DCLK1: variants seen among roughly 807,000 people sequenced by gnomAD.
DCLK1 encodes the protein serine/threonine-protein kinase DCLK1.
In DCLK1, 16 loss-of-function variants were observed where a neutral mutation model predicts 86.2. The ratio of observed to expected loss-of-function variants is 0.19; its 90% CI spans 0.13 to 0.28. The LOEUF is 0.28. DCLK1 is among the 10% of genes least tolerant of loss of function. The probability of loss-of-function intolerance (pLI) is 1.00; values close to 1 mark genes in which losing one functional copy is unlikely to be tolerated. For missense variants in DCLK1, 590 were observed against 940.2 expected (o/e 0.63, Z 4.87); for synonymous variants, 369 against 370.5 (o/e 1.00, Z 0.05).
chr13:36,059,662 T>C (rs1883464654), intron 3 of DCLK1, among the ~76,000 whole-genome samples: 1 of 152,120 alleles, frequency 6.6e-6, no homozygotes, highest in Admixed American at 6.6e-5. Flanking sequence ...TCTGACTGGT[T>C]TTCCAGTGTA....
intron 4 of DCLK1, among the ~76,000 whole-genome samples, chr13:35,910,466 G>A (rs1238459090): frequency 6.6e-6 from 1 of 152,222 alleles, no homozygotes; most frequent in Non-Finnish European, 1.5e-5. Context: ...GAAATGAGAG[G>A]ACAGCTCCAA....
intron 3 of DCLK1, among the ~76,000 whole-genome samples, chr13:35,981,236 T>G (rs1172786202): frequency 1.3e-5 from 2 of 152,180 alleles, no homozygotes; most frequent in African/African-American, 2.4e-5. Flanking sequence ...TGTTTTTTTT[T>G]TGTGACAGGC....
At chr13:35,846,065 C>T (rs932226092) in intron 6 of DCLK1, 1 of 985,416 alleles carries the variant, frequency 1.0e-6, no homozygotes, top group Non-Finnish European at 1.2e-6. Context: ...TTCAATGAAA[C>T]ATTTTGTCAA....
chr13:35,975,073 A>C (rs1879267138), intron 3 of DCLK1, among the ~76,000 whole-genome samples: 1 of 152,312 alleles, frequency 6.6e-6, no homozygotes, highest in South Asian at 2.1e-4. Flanking sequence ...CCAAGGGCAC[A>C]ACACCTGTGC....
At chr13:35,865,568 G>A (rs889792277) in intron 5 of DCLK1, among the ~76,000 whole-genome samples, 1 of 152,134 alleles carries the variant, frequency 6.6e-6, no homozygotes, top group African/African-American at 2.4e-5. Flanking sequence ...TAATTCAACA[G>A]GTATGTGAAT....
In DCLK1 at chr13:35,771,437, A is replaced by G. The variant is rs1228706034; in HGVS notation, c.*3098T>C. On this transcript the variant is annotated 3_prime_UTR_variant, in exon 17 of 17. Transcript: ENST00000360631. ...GGCTACGGTAAAAACATTTTTGATG[A>G]CTGAAATCTTACTTTTCCTTCTAAC... The G allele has an allele frequency of 6.6e-6, 1 of 152,128 alleles. No individual in the cohort carries two copies. The highest frequency in any genetic ancestry group is 6.6e-5 in the Admixed American group (1 of 15,266). The allele number at this position is 152,128 out of a possible 1,614,324, so 9.4% of individuals were successfully genotyped here. A position where few individuals can be genotyped will look rare whatever the true frequency, so the allele number is the denominator to read the frequency against.
chr13:36,032,164 C>A (rs186572193), intron 3 of DCLK1, among the ~76,000 whole-genome samples: 9 of 148,208 alleles, frequency 6.1e-5, no homozygotes, highest in Middle Eastern at 3.5e-3. Context: ...TTTTTTGAGA[C>A]GGATTCTTGC....
intron 3 of DCLK1, among the ~76,000 whole-genome samples, chr13:35,977,072 C>T (rs1025685843): frequency 6.6e-6 from 1 of 152,050 alleles, no homozygotes; most frequent in Non-Finnish European, 1.5e-5. Flanking sequence ...GCATCCACTC[C>T]AGATGTTAAG....
chr13:36,090,461 G>A (rs576953928), intron 3 of DCLK1, among the ~76,000 whole-genome samples: 1 of 152,204 alleles, frequency 6.6e-6, no homozygotes, highest in South Asian at 2.1e-4. Flanking sequence ...GGGTGTACAG[G>A]GGAAAATGGC....
chr13:35,825,847 T>C (rs1413359982), intron 10 of DCLK1, among the ~76,000 whole-genome samples: 3 of 151,684 alleles, frequency 2.0e-5, no homozygotes, highest in Non-Finnish European at 4.4e-5. Context: ...AGTTTCGCTC[T>C]TTTTGCCCAG....
chr13:35,802,150 T>C (rs2086933208), intron 15 of DCLK1, among the ~76,000 whole-genome samples: 1 of 151,978 alleles, frequency 6.6e-6, no homozygotes. Flanking sequence ...AAAAATGTAT[T>C]TAGAAATCTC....
At chr13:36,083,381 T>C (rs1479676276) in intron 3 of DCLK1, among the ~76,000 whole-genome samples, 1 of 152,216 alleles carries the variant, frequency 6.6e-6, no homozygotes. Context: ...CTCTGTTAGG[T>C]CCCTCCTCAG....
chr13:35,959,604 A>T (rs929449650), intron 3 of DCLK1, among the ~76,000 whole-genome samples: 3 of 152,204 alleles, frequency 2.0e-5, no homozygotes, highest in Non-Finnish European at 4.4e-5. Flanking sequence ...AACATTGTGT[A>T]TTCCAAATGA....
intron 6 of DCLK1, chr13:35,848,504 C>G (rs1870376693): frequency 1.0e-6 from 1 of 985,148 alleles, no homozygotes; most frequent in African/African-American, 1.7e-5. Context: ...CTGTGGAAAG[C>G]ACTTCCCTTG....
intron 5 of DCLK1, among the ~76,000 whole-genome samples, chr13:35,870,181 G>A (rs899515786): frequency 6.6e-6 from 1 of 152,162 alleles, no homozygotes; most frequent in Admixed American, 6.5e-5. Context: ...GTGGGAAGGA[G>A]GCATTGGCAG....
chr13:35,934,363 A>T (rs1876635840), intron 4 of DCLK1, among the ~76,000 whole-genome samples: 1 of 152,212 alleles, frequency 6.6e-6, no homozygotes, highest in South Asian at 2.1e-4. Context: ...TCATGTGCTG[A>T]TGAAGATATA....
intron 3 of DCLK1, among the ~76,000 whole-genome samples, chr13:35,948,252 A>T (rs190273936): frequency 1.3e-5 from 2 of 152,370 alleles, no homozygotes; most frequent in African/African-American, 4.8e-5. Flanking sequence ...TGTTCACATT[A>T]TGTGTAATAC....
chr13:35,871,023 C>G (rs1242215146), intron 5 of DCLK1, among the ~76,000 whole-genome samples: 1 of 152,190 alleles, frequency 6.6e-6, no homozygotes, highest in Non-Finnish European at 1.5e-5. Context: ...TCACTAAGTA[C>G]ATTTTTTGAA....
At chr13:35,897,906 ACT>A (rs1874100972) in intron 4 of DCLK1, among the ~76,000 whole-genome samples, 1 of 152,010 alleles carries the variant, frequency 6.6e-6, no homozygotes, top group Non-Finnish European at 1.5e-5. Flanking sequence ...TTCATCTTAA[ACT>A]CTGCGTTTAT....
Sources: gnomAD v4.1 joint callset for allele counts (sites outside exome capture counted in the v4.1 genomes callset) on GRCh38, gnomAD v4.1.1 for gene constraint, MANE v1.5 for transcripts, NCBI Gene and HGNC (gene_info 2026-07-23, HGNC 2026-07-21) for gene names.